Variants in EXOC6 observed in about 807,000 individuals in gnomAD.
EXOC6 encodes SEC15-like 1.
EXOC6 carries 60 observed loss-of-function variants against 112.5 expected under a neutral mutation model. That is an observed-to-expected ratio of 0.53 (90% CI 0.43 to 0.66). EXOC6 has a LOEUF of 0.66. Ranked by LOEUF, EXOC6 falls within the 30% of genes least tolerant of loss-of-function variation. EXOC6 has a pLI of 0.00. For missense variants in EXOC6, 855 were observed against 957.1 expected, an observed-to-expected ratio of 0.89 and a Z score of 1.41; for synonymous variants, 295 against 308.0, an observed-to-expected ratio of 0.96 and a Z score of 0.44.
intron 1 of EXOC6, among the ~76,000 whole-genome samples, chr10:92,872,589 T>C (rs2133729702): frequency 6.6e-6 from 1 of 152,212 alleles, no homozygotes; most frequent in East Asian, 1.9e-4. Flanking sequence ...TAAAGTCCCC[T>C]TTTATTAACT....
intron 1 of EXOC6, among the ~76,000 whole-genome samples, chr10:92,884,599 A>G (rs1849123221): frequency 6.6e-6 from 1 of 152,224 alleles, no homozygotes; most frequent in Non-Finnish European, 1.5e-5. Context: ...TCTAGCAAAT[A>G]TAAGTAATTT....
chr10:92,959,355 A>G (rs538109998), intron 17 of EXOC6, among the ~76,000 whole-genome samples: 1 of 152,206 alleles, frequency 6.6e-6, no homozygotes, highest in Non-Finnish European at 1.5e-5. Flanking sequence ...CTGACTCAAA[A>G]TGTTTCACAG....
rs1844403992 is a variant in EXOC6 at position 93,014,338 on chromosome 10, T to C, written c.2169+71T>C. 5 of 1,140,550 alleles carry C rather than the reference T, an allele frequency of 4.4e-6. No individual in the cohort carries two copies. The East Asian group carries it at 1.2e-4, about 27-fold the overall frequency. The allele number at this position is 1,140,550 out of a possible 1,614,324, so 70.7% of individuals were successfully genotyped here. A position where few individuals can be genotyped will look rare whatever the true frequency, so the allele number is the denominator to read the frequency against. On this transcript the variant is annotated intron_variant, in intron 20 of 21. Coordinates refer to ENST00000260762, the MANE Select transcript of EXOC6 (RefSeq NM_019053.6). ...GCCCTCCCCTCACTTTTTTTTTTTA[T>C]TAATGCTACAGGAATGCCTGTTTGC...
intron 20 of EXOC6, among the ~76,000 whole-genome samples, chr10:93,049,936 G>A (rs192122181): frequency 3.6e-4 from 55 of 152,132 alleles, no homozygotes; most frequent in Non-Finnish European, 6.8e-4. Context: ...TTCTTTCAGG[G>A]GCTCTAAAAT....
Position 92,848,551 on chromosome 10 carries a change from G to C in EXOC6, c.18G>C (p.Glu6Asp), listed in dbSNP as rs151243420. The C allele has an allele frequency of 7.4e-5, 105 of 1,424,720 alleles. No homozygotes were observed. The highest frequency in any genetic ancestry group is 1.9e-4 in the Admixed American group (9 of 47,948). 88.3% of individuals were successfully genotyped at this position (1,424,720 alleles called of 1,614,324 possible). A position where few individuals can be genotyped will look rare whatever the true frequency, so the allele number is the denominator to read the frequency against. The change falls in exon 1 of 22, where the codon GAG becomes GAC. Residue 6 changes from glutamate (E) to aspartate (D), a missense_variant. Glu to Asp is a conservative substitution (Grantham distance 45). Transcript: ENST00000260762. Reference protein sequence around the residue: MAENSESLGTVPEHER... With the variant: MAENSDSLGTVPEHER... ...CAGCCAAAATGGCGGAGAACAGCGA[G>C]AGTCTGGGCACCGTCCCCGAGCACG... is the stretch of plus-strand genomic sequence containing the variant.
intron 17 of EXOC6, among the ~76,000 whole-genome samples, chr10:92,963,883 CTTAG>C (rs919931102): frequency 1.3e-5 from 2 of 151,750 alleles, no homozygotes; most frequent in Non-Finnish European, 2.9e-5. Flanking sequence ...CTTTTGATTT[CTTAG>C]TTCATTATGG....
rs952028191 is a variant in EXOC6 at position 92,952,128 on chromosome 10, A to G, written c.1417-145A>G. ...TTTTCTTCAGAAATATTTTGATAAA[A>G]TATCAAAAATGTAGAAATATAACAG... On this transcript the variant is annotated intron_variant, in intron 14 of 21. Transcript: ENST00000260762. 4 of 583,248 alleles carry G rather than the reference A, an allele frequency of 6.9e-6. No individual in the cohort carries two copies. In the African/African-American group the frequency reaches 7.6e-5, roughly 11 times the overall value. 36.1% of individuals were successfully genotyped at this position (583,248 alleles called of 1,614,324 possible).
At chr10:93,005,465 T>C (rs1843933922) in intron 19 of EXOC6, among the ~76,000 whole-genome samples, 2 of 152,164 alleles carry the variant, frequency 1.3e-5, no homozygotes, top group African/African-American at 4.8e-5. Flanking sequence ...ATTAAATACT[T>C]ATTATATATT....
intron 18 of EXOC6, among the ~76,000 whole-genome samples, chr10:92,977,559 C>T (rs1041683859): frequency 3.4e-4 from 51 of 151,874 alleles, no homozygotes; most frequent in African/African-American, 1.0e-3. Flanking sequence ...TATAGAAGTG[C>T]TTTTTATATA....
chr10:92,848,155 T>G (rs1455130695), upstream of EXOC6, among the ~76,000 whole-genome samples: 1 of 152,166 alleles, frequency 6.6e-6, no homozygotes, highest in Non-Finnish European at 1.5e-5. Flanking sequence ...AGGGTGATGA[T>G]CTGAGTGTCC....
At chr10:92,974,265 G>A in intron 18 of EXOC6, 33 bp downstream of exon 18, 1 of 1,423,514 alleles carries the variant, frequency 7.0e-7, no homozygotes, top group Non-Finnish European at 9.4e-7. Context: ...ATTGTTTTAT[G>A]TTTGCTTACT....
intron 20 of EXOC6, among the ~76,000 whole-genome samples, chr10:93,038,250 A>G (rs1334332112): frequency 6.6e-6 from 1 of 152,072 alleles, no homozygotes; most frequent in Non-Finnish European, 1.5e-5. Context: ...TTCAGTTATG[A>G]TCTTTTTGCT....
intron 1 of EXOC6, among the ~76,000 whole-genome samples, chr10:92,875,806 TATTA>T (rs1189172129): frequency 6.6e-6 from 1 of 152,136 alleles, no homozygotes; most frequent in Non-Finnish European, 1.5e-5. Context: ...AAATGATTAC[TATTA>T]AATAGTTTTT....
At chr10:92,854,112 A>C (rs1794040763) in intron 1 of EXOC6, among the ~76,000 whole-genome samples, 1 of 152,152 alleles carries the variant, frequency 6.6e-6, no homozygotes, top group African/African-American at 2.4e-5. Context: ...GAATGTATAA[A>C]GGAAGTGTTT....
Position 92,927,579 on chromosome 10 carries a change from C to G in EXOC6, c.889-760C>G, listed in dbSNP as rs556574739. Among the ~76,000 whole-genome samples, 14 of 152,316 alleles carry G rather than the reference C, an allele frequency of 9.2e-5. No individual in the cohort carries two copies. In the South Asian group the frequency reaches 2.5e-3, roughly 27 times the overall value. The stretch of plus-strand genomic sequence containing the variant: ...TCAGATTGGCCACATTTCAAATGCT[C>G]TATAGCCACATGTGACTAGTGGGCT... On this transcript the variant is annotated intron_variant, in intron 8 of 21. Coordinates refer to ENST00000260762, the MANE Select transcript of EXOC6 (RefSeq NM_019053.6).
intron 19 of EXOC6, among the ~76,000 whole-genome samples, chr10:93,006,327 A>G (rs1335368702): frequency 6.6e-6 from 1 of 152,234 alleles, no homozygotes; most frequent in Non-Finnish European, 1.5e-5. Context: ...AGAATATTTC[A>G]GTGCCTTTTT....
intron 1 of EXOC6, among the ~76,000 whole-genome samples, chr10:92,867,341 G>A (rs11187193): frequency 0.41 from 62,639 of 151,968 alleles, 13,539 homozygotes; most frequent in African/African-American, 0.52. Context: ...CCATTTAGGG[G>A]TGATAACTTA....
At position 92,996,395 on chromosome 10, in the gene EXOC6, C is replaced by T. The variant is rs563068834; in HGVS notation, c.1954-1079C>T. 1.6e-4 allele frequency among the ~76,000 whole-genome samples: 25 copies of T among 152,132 alleles called. No homozygotes were observed. In the East Asian group the frequency reaches 3.9e-3, roughly 24 times the overall value. On this transcript the variant is annotated intron_variant, in intron 18 of 21. Transcript: ENST00000260762. ...TTTATCTTTGGGAGGCCAAGGCGGG[C>T]GGATCACAAGGTCAGATCGAGACCA...
rs137899897 is a variant in EXOC6 at position 92,985,027 on chromosome 10, A to T, written c.1953+10795A>T. Reference sequence around the variant, plus strand: ...AACAAAACAAAACAAAACAAAACAAAACCTGAATTCTAAGAAACATCAAGA... The same window carrying T: ...AACAAAACAAAACAAAACAAAACAATACCTGAATTCTAAGAAACATCAAGA... On this transcript the variant is annotated intron_variant, in intron 18 of 21. Transcript: ENST00000260762. 5.6e-3 allele frequency among the ~76,000 whole-genome samples: 844 copies of T among 152,070 alleles called. 6 individuals carry two copies. Among genetic ancestry groups the T allele is most frequent in the African/African-American group, 0.017 (697 of 41,486 alleles).
Sources: gnomAD v4.1 joint callset for allele counts (sites outside exome capture counted in the v4.1 genomes callset) on GRCh38, gnomAD v4.1.1 for gene constraint, MANE v1.5 for transcripts, NCBI Gene and HGNC (gene_info 2026-07-23, HGNC 2026-07-21) for gene names.